FNDC8: variants seen among roughly 807,000 people sequenced by gnomAD.
FNDC8 encodes fibronectin type III domain-containing protein 8.
A neutral mutation model predicts 24.8 loss-of-function variants in FNDC8; 23 were observed. The observed-to-expected ratio is 0.93, with a 90% CI of 0.67 to 1.31. FNDC8 has a LOEUF of 1.31. Among genes scored for constraint, FNDC8 ranks in the 40% most tolerant of loss-of-function variants. FNDC8 has a pLI of 0.00. For synonymous variants in FNDC8, 158 were observed against 165.3 expected, an observed-to-expected ratio of 0.96 and a Z score of 0.34; for missense variants, 371 against 398.2, an observed-to-expected ratio of 0.93 and a Z score of 0.58.
intron 1 of FNDC8, among the ~76,000 whole-genome samples, chr17:35,124,788 C>G (rs1000369254): frequency 2.6e-5 from 4 of 152,106 alleles, no homozygotes; most frequent in East Asian, 1.9e-4. Context: ...TGGCTCACGC[C>G]TGTAATCCCA....
At chr17:35,125,989 C>T (rs981196891) in intron 1 of FNDC8, among the ~76,000 whole-genome samples, 10 of 152,068 alleles carry the variant, frequency 6.6e-5, no homozygotes, top group Admixed American at 3.9e-4. Context: ...GGCAGGATCT[C>T]GGCTCACTGC....
At position 35,129,677 on chromosome 17, in the gene FNDC8, G is replaced by C. The variant is rs201115625; in HGVS notation, c.822+19G>C. 6.2e-7 allele frequency: 1 copy of C among 1,609,252 alleles called. No homozygotes were observed. The highest frequency in any genetic ancestry group is 8.5e-7 in the Non-Finnish European group (1 of 1,178,104). ...CTACAAAGTGAGCCCTGGGAAAAGAGGGGCCTTGGGGGTGGAGAGAAGTCC... is the reference window on the plus strand; with the variant it reads ...CTACAAAGTGAGCCCTGGGAAAAGACGGGCCTTGGGGGTGGAGAGAAGTCC... On this transcript the variant is annotated intron_variant, in intron 3 of 3. Transcript: ENST00000158009.
chr17:35,127,330 C>T lies in FNDC8; in HGVS notation c.498C>T (p.Ser166=). 3 of 1,611,242 alleles carry T rather than the reference C, an allele frequency of 1.9e-6. No individual in the cohort carries two copies. The highest frequency in any genetic ancestry group is 2.5e-6 in the Non-Finnish European group (3 of 1,178,868). ...LDNPELETET[S]STHSESSVVV... is the part of the protein sequence containing the mutation. ...ACCCTGAGCTGGAGACAGAAACCTC[C>T]TCAACGCACTCAGAATCTTCTGTGG... Residue 166 remains serine, a synonymous_variant, in exon 2 of 4, where the codon TCC becomes TCT. Coordinates refer to ENST00000158009, the MANE Select transcript of FNDC8 (RefSeq NM_017559.4).
intron 1 of FNDC8, among the ~76,000 whole-genome samples, chr17:35,125,987 C>A (rs1465452554): frequency 2.0e-5 from 3 of 152,138 alleles, no homozygotes; most frequent in African/African-American, 7.2e-5. Context: ...GTGGCAGGAT[C>A]TCGGCTCACT....
At chr17:35,122,031 C>G in intron 1 of FNDC8, 129 bp downstream of exon 1, 1 of 709,858 alleles carries the variant, frequency 1.4e-6, no homozygotes, top group Non-Finnish European at 2.3e-6. Context: ...GTCACCCAGG[C>G]TGGAGTGCAG....
intron 1 of FNDC8, among the ~76,000 whole-genome samples, chr17:35,122,186 A>T (rs868395350): frequency 4.0e-5 from 1 of 25,314 alleles, no homozygotes; most frequent in African/African-American, 1.9e-4. Context: ...ATATATATAT[A>T]TATATATATA....
intron 3 of FNDC8, chr17:35,130,066 G>C: frequency 7.1e-7 from 1 of 1,416,132 alleles, no homozygotes; most frequent in East Asian, 2.6e-5. Context: ...AGAGGCCTGA[G>C]TACAGACAGC....
chr17:35,124,003 C>T (rs1461394820), intron 1 of FNDC8, among the ~76,000 whole-genome samples: 2 of 152,204 alleles, frequency 1.3e-5, no homozygotes, highest in Non-Finnish European at 2.9e-5. Flanking sequence ...TACAAAAGAC[C>T]TTGGTGGGGG....
Position 35,127,121 on chromosome 17 carries a change from C to T in FNDC8, c.289C>T (p.Pro97Ser). The change falls in exon 2 of 4, where the codon CCC becomes TCC. Residue 97 changes from proline (P) to serine (S), a missense_variant. By Grantham distance (74) the Pro-to-Ser change is moderately conservative (BLOSUM62 -1). Coordinates refer to ENST00000158009, the MANE Select transcript of FNDC8 (RefSeq NM_017559.4). ...ISAFSSTLLN[P>S]IKLAVTQPNS... ...TGCCTTCTCATCCACCTTGCTGAAC[C>T]CCATCAAATTAGCTGTGACCCAGCC... 1 of 1,614,186 alleles carries T rather than the reference C, an allele frequency of 6.2e-7. No individual in the cohort carries two copies. Among genetic ancestry groups the T allele is most frequent in the South Asian group, 1.1e-5 (1 of 91,076 alleles).
chr17:35,130,011 C>G (rs966781999), intron 3 of FNDC8: 7 of 1,369,662 alleles, frequency 5.1e-6, no homozygotes, highest in Non-Finnish European at 6.6e-6. Flanking sequence ...TAAAGGGGGA[C>G]GAAGAAGGGA....
At chr17:35,130,061 C>G in intron 3 of FNDC8, 1 of 1,413,572 alleles carries the variant, frequency 7.1e-7, no homozygotes, top group South Asian at 1.6e-5. Context: ...GGTATAGAGG[C>G]CTGAGTACAG....
Position 35,130,405 on chromosome 17 carries a change from G to T in FNDC8, c.946G>T (p.Glu316Ter). The T allele has an allele frequency of 6.2e-7, 1 of 1,614,084 alleles. No homozygotes were observed. ...SIGPEEMRRLEDLEYLFPC is the reference protein window; with the variant it reads ...SIGPEEMRRL ...CGGGCCGGAGGAGATGCGGAGGCTG[G>T]AGGATCTGGAATACCTATTTCCCTG... The change falls in exon 4 of 4, where the codon GAG becomes TAG. Residue 316 changes from glutamate to a stop codon, truncating the protein, a stop_gained. Coordinates refer to ENST00000158009, the MANE Select transcript of FNDC8 (RefSeq NM_017559.4). LOFTEE classifies it high-confidence loss of function.
At chr17:35,125,763 T>C (rs2091846731) in intron 1 of FNDC8, among the ~76,000 whole-genome samples, 3 of 152,172 alleles carry the variant, frequency 2.0e-5, no homozygotes, top group African/African-American at 7.2e-5. Flanking sequence ...GCTTTACCCA[T>C]AGTGATAAGA....
At chr17:35,129,958 T>C in intron 3 of FNDC8, 1 of 1,368,464 alleles carries the variant, frequency 7.3e-7, no homozygotes, top group African/African-American at 1.5e-5. Flanking sequence ...GTGAGTAGGC[T>C]GGGAAGTCAA....
rs1246574550 is a variant in FNDC8, at chr17:35,130,455, CCCT to C, written c.*23_*25del. The stretch of plus-strand genomic sequence containing the variant: ...GTTAAGGGGGAGGGCCCCAGGACAC[CCCT>C]CACCTACTTTCAGCTTCAACCCCAG... On this transcript the variant is annotated 3_prime_UTR_variant, in exon 4 of 4. Coordinates refer to ENST00000158009, the MANE Select transcript of FNDC8 (RefSeq NM_017559.4). 6.2e-7 allele frequency: 1 copy of C among 1,608,168 alleles called. No homozygotes were observed. Among genetic ancestry groups the C allele is most frequent in the Non-Finnish European group, 8.5e-7 (1 of 1,177,134 alleles).
At chr17:35,123,725 A>G (rs1475411754) in intron 1 of FNDC8, among the ~76,000 whole-genome samples, 1 of 151,490 alleles carries the variant, frequency 6.6e-6, no homozygotes, top group Non-Finnish European at 1.5e-5. Context: ...GGTCTGGGAG[A>G]CAGAGCAAGG....
chr17:35,129,582 A>T lies in FNDC8; in HGVS notation c.746A>T (p.Lys249Met), dbSNP rs752987472. ...ACTACTGTCAAGCTGATGGAGCTAA[A>T]GCCTAACACGTGTTACTGCCTCAGT... Reference protein sequence around the residue: ...LGTTVKLMELKPNTCYCLSVR... With the variant: ...LGTTVKLMELMPNTCYCLSVR... The change falls in exon 3 of 4, where the codon AAG becomes ATG. Residue 249 changes from lysine to methionine, a missense_variant. By Grantham distance (95) the Lys-to-Met change is moderately conservative (BLOSUM62 -1). Transcript: ENST00000158009. 6.2e-7 allele frequency: 1 copy of T among 1,614,222 alleles called. No homozygotes were observed. The highest frequency in any genetic ancestry group is 1.7e-5 in the Admixed American group (1 of 60,028).
chr17:35,128,469 C>T (rs1002440909), intron 2 of FNDC8, among the ~76,000 whole-genome samples: 14 of 152,204 alleles, frequency 9.2e-5, no homozygotes, highest in African/African-American at 3.4e-4. Flanking sequence ...CAAAATCTCC[C>T]TGAGATGCTT....
rs753127329 is a variant in FNDC8 at position 35,121,742 on chromosome 17, C to T, written c.49C>T (p.Leu17=). Residue 17 remains leucine (L), a synonymous_variant, in exon 1 of 4, where the codon CTG becomes TTG. Transcript: ENST00000158009. ...HQVGDGEEAV[L]KKENFNMMNA... is the part of the protein sequence containing the mutation. ...AGTGGGAGATGGGGAGGAGGCTGTA[C>T]TGAAGAAAGAAAACTTCAACATGAT... 2.5e-6 allele frequency: 4 copies of T among 1,613,818 alleles called. No homozygotes were observed. The African/African-American group carries it at 5.3e-5, about 22-fold the overall frequency.
Sources: gnomAD v4.1 joint callset for allele counts (sites outside exome capture counted in the v4.1 genomes callset) on GRCh38, gnomAD v4.1.1 for gene constraint, MANE v1.5 for transcripts, NCBI Gene and HGNC (gene_info 2026-07-23, HGNC 2026-07-21) for gene names.